MALRD1: variants seen among roughly 807,000 people sequenced by gnomAD.
MALRD1 encodes the protein MAM and LDL receptor class A domain containing 1.
In MALRD1, 247 loss-of-function variants were observed where a neutral mutation model predicts 242.1. That is an observed-to-expected ratio of 1.02 (90% CI 0.92 to 1.13). MALRD1 has a LOEUF of 1.13. Ranked by LOEUF, MALRD1 falls within the 50% of genes most tolerant of loss-of-function variation. MALRD1 has a pLI of 0.00. For missense variants in MALRD1, 2,989 were observed against 2,533.1 expected (o/e 1.18, Z -3.86); for synonymous variants, 995 against 866.6 (o/e 1.15, Z -2.60).
intron 4 of MALRD1, among the ~76,000 whole-genome samples, chr10:19,095,508 A>C (rs1009442202): frequency 1.3e-4 from 20 of 152,160 alleles, no homozygotes; most frequent in African/African-American, 2.2e-4. Context: ...CAGGCACTTA[A>C]GTCTTTCTAT....
intron 33 of MALRD1, among the ~76,000 whole-genome samples, chr10:19,585,142 T>C (rs1410843761): frequency 6.6e-6 from 1 of 152,220 alleles, no homozygotes; most frequent in Non-Finnish European, 1.5e-5. Flanking sequence ...ATGCGTTTCC[T>C]GAATACAGCA....
intron 2 of MALRD1, among the ~76,000 whole-genome samples, chr10:19,084,620 C>T (rs2131288780): frequency 6.6e-6 from 1 of 151,972 alleles, no homozygotes; most frequent in African/African-American, 2.4e-5. Flanking sequence ...GAAAGTGAGA[C>T]CGAAAATTCT....
At chr10:19,705,419 C>T (rs1423908787) in intron 38 of MALRD1, among the ~76,000 whole-genome samples, 3 of 152,116 alleles carry the variant, frequency 2.0e-5, no homozygotes, top group Admixed American at 1.3e-4. Flanking sequence ...CTGGCAAAAC[C>T]GTTACTCTCT....
At chr10:19,403,229 C>T (rs1846947467) in intron 28 of MALRD1, among the ~76,000 whole-genome samples, 1 of 151,948 alleles carries the variant, frequency 6.6e-6, no homozygotes, top group South Asian at 2.1e-4. Flanking sequence ...AATATTATGC[C>T]TCCATGAATA....
rs531117357 is a variant in MALRD1, at chr10:19,729,904, T to G, written c.6315-802T>G. On this transcript the variant is annotated intron_variant, in intron 38 of 39. Coordinates refer to ENST00000454679, the MANE Select transcript of MALRD1 (RefSeq NM_001142308.3). ...GGCGCCCGCCACCACGCCCGGCTAA[T>G]TTTTTTGTATTTTCAGTAGAGACGG... 3.9e-3 allele frequency among the ~76,000 whole-genome samples: 588 copies of G among 151,438 alleles called. 3 individuals carry two copies. Among genetic ancestry groups the G allele is most frequent in the African/African-American group, 0.014 (561 of 41,340 alleles).
At chr10:19,681,938 C>G (rs777622212) in intron 36 of MALRD1, among the ~76,000 whole-genome samples, 5 of 150,286 alleles carry the variant, frequency 3.3e-5, no homozygotes, top group African/African-American at 1.2e-4. Context: ...TCACTGCTAC[C>G]TCTGTCTCCC....
In MALRD1 at chr10:19,146,213, G is replaced by T; in HGVS notation, c.1427G>T (p.Cys476Phe). Residue 476 changes from cysteine (C) to phenylalanine (F), a missense_variant, in exon 11 of 40, where the codon TGT becomes TTT. By Grantham distance (205) the Cys-to-Phe change is radical. Transcript: ENST00000454679. ...CGTGTAACAGCAAAGCATCTCACCT[G>T]TGACTTTGAGTCGGGTTTCTGCGGT... is the stretch of plus-strand genomic sequence containing the variant. ...DPATCSKHLT[C>F]DFESGFCGWE... 1 of 1,231,594 alleles carries T rather than the reference G, an allele frequency of 8.1e-7. No homozygotes were observed. The highest frequency in any genetic ancestry group is 1.0e-6 in the Non-Finnish European group (1 of 987,922). The allele number at this position is 1,231,594 out of a possible 1,614,324, so 76.3% of individuals were successfully genotyped here.
chr10:19,442,675 G>A (rs1039984639), intron 28 of MALRD1, among the ~76,000 whole-genome samples: 1 of 152,160 alleles, frequency 6.6e-6, no homozygotes, highest in Non-Finnish European at 1.5e-5. Flanking sequence ...AAGCCCACTT[G>A]ATCATGGTGG....
intron 32 of MALRD1, among the ~76,000 whole-genome samples, chr10:19,536,147 A>G (rs10827538): frequency 0.87 from 132,634 of 152,080 alleles, 57,892 homozygotes; most frequent in African/African-American, 0.9. Context: ...TTTACTTTCT[A>G]CCTTCCTAGG....
intron 36 of MALRD1, among the ~76,000 whole-genome samples, chr10:19,620,702 C>G (rs560407565): frequency 6.6e-6 from 1 of 151,964 alleles, no homozygotes; most frequent in South Asian, 2.1e-4. Context: ...TTTTCATGAC[C>G]CATCCCTAAT....
chr10:19,507,585 A>T (rs1350976464), intron 31 of MALRD1, among the ~76,000 whole-genome samples: 3 of 152,194 alleles, frequency 2.0e-5, no homozygotes, highest in Non-Finnish European at 4.4e-5. Context: ...TATGATACAT[A>T]AATTCTTCTT....
intron 24 of MALRD1, among the ~76,000 whole-genome samples, chr10:19,336,829 G>A (rs1487959497): frequency 6.6e-6 from 1 of 151,856 alleles, no homozygotes; most frequent in Non-Finnish European, 1.5e-5. Flanking sequence ...TAAGATGGAG[G>A]ACTTCAGAAG....
chr10:19,702,472 G>A (rs930410101), intron 38 of MALRD1, among the ~76,000 whole-genome samples: 27 of 152,294 alleles, frequency 1.8e-4, no homozygotes, highest in African/African-American at 5.8e-4. Context: ...ATGACATCAT[G>A]TTGTAACAGC....
intron 36 of MALRD1, among the ~76,000 whole-genome samples, chr10:19,672,984 T>G (rs1841992014): frequency 6.6e-6 from 1 of 152,156 alleles, no homozygotes; most frequent in African/African-American, 2.4e-5. Context: ...ACAGTGCTCT[T>G]TGGTGGAAAT....
intron 18 of MALRD1, among the ~76,000 whole-genome samples, chr10:19,219,009 C>A (rs1306075998): frequency 1.3e-5 from 2 of 151,926 alleles, no homozygotes; most frequent in African/African-American, 4.8e-5. Context: ...TGTTACCCCG[C>A]CAGTCTGAAA....
At chr10:19,231,964 A>G (rs1316243143) in intron 18 of MALRD1, among the ~76,000 whole-genome samples, 3 of 152,108 alleles carry the variant, frequency 2.0e-5, no homozygotes, top group Non-Finnish European at 2.9e-5. Context: ...TTTGTAACTT[A>G]TCTTTTAATA....
At chr10:19,196,220 C>A (rs928731137) in intron 14 of MALRD1, among the ~76,000 whole-genome samples, 1 of 152,166 alleles carries the variant, frequency 6.6e-6, no homozygotes, top group Non-Finnish European at 1.5e-5. Context: ...AAAATATCTT[C>A]TCTTGATCTA....
At chr10:19,698,715 C>T (rs650063) in intron 38 of MALRD1, among the ~76,000 whole-genome samples, 124,468 of 152,078 alleles carry the variant, frequency 0.82, 52,053 homozygotes, top group Non-Finnish European at 0.9. Flanking sequence ...AAAATCTCCC[C>T]GGAGCTGCAT....
intron 29 of MALRD1, among the ~76,000 whole-genome samples, chr10:19,466,780 A>T (rs975929270): frequency 1.3e-5 from 2 of 152,270 alleles, no homozygotes; most frequent in East Asian, 1.9e-4. Flanking sequence ...CAAACACAAA[A>T]TTCACTTATG....
Sources: gnomAD v4.1 joint callset for allele counts (sites outside exome capture counted in the v4.1 genomes callset) on GRCh38, gnomAD v4.1.1 for gene constraint, MANE v1.5 for transcripts, NCBI Gene and HGNC (gene_info 2026-07-23, HGNC 2026-07-21) for gene names.